Variants in HTR7 observed in about 807,000 individuals in gnomAD.
HTR7 encodes 5-hydroxytryptamine receptor 7, also known as 5-HT-7.
HTR7 carries 16 observed loss-of-function variants against 34.0 expected under a neutral mutation model. The ratio of observed to expected loss-of-function variants is 0.47; its 90% CI spans 0.32 to 0.71. HTR7 has a LOEUF of 0.71. Among genes scored for constraint, HTR7 ranks in the 30% least tolerant of loss-of-function variants. The pLI, the probability that HTR7 is intolerant of heterozygous loss-of-function variation, is 0.04. For synonymous variants in HTR7, 265 were observed against 260.2 expected (o/e 1.02, Z -0.18); for missense variants, 504 against 625.5 (o/e 0.81, Z 2.07).
intron 1 of HTR7, among the ~76,000 whole-genome samples, chr10:90,843,373 A>G (rs1030954422): frequency 1.3e-5 from 2 of 152,224 alleles, no homozygotes; most frequent in Admixed American, 1.3e-4. Flanking sequence ...CAAACCATTA[A>G]TTACAAATTG....
At chr10:90,786,090 C>T (rs560570688) in intron 1 of HTR7, among the ~76,000 whole-genome samples, 6 of 152,188 alleles carry the variant, frequency 3.9e-5, no homozygotes, top group Non-Finnish European at 8.8e-5. Flanking sequence ...GCACATATGT[C>T]GGGTTTATCT....
intron 1 of HTR7, among the ~76,000 whole-genome samples, chr10:90,797,057 C>T (rs1845551815): frequency 6.6e-6 from 1 of 151,552 alleles, no homozygotes; most frequent in Non-Finnish European, 1.5e-5. Flanking sequence ...CCTGATGATT[C>T]AGTGCCATAA....
In HTR7 at chr10:90,742,539, G is replaced by A. The variant is rs770678007; in HGVS notation, c.1394-11C>T. On this transcript the variant is annotated splice_polypyrimidine_tract_variant and intron_variant, in intron 3 of 3. Coordinates refer to ENST00000336152, the MANE Select transcript of HTR7 (RefSeq NM_019859.4). ...TAGTCAGCATTTTGTCTAAAAAAAA[G>A]AGAGAGAAAAATAGAAAATAATTTA... 3.9e-6 allele frequency: 6 copies of A among 1,553,480 alleles called. No homozygotes were observed. Among genetic ancestry groups the A allele is most frequent in the South Asian group, 1.1e-5 (1 of 88,712 alleles).
At chr10:90,796,438 T>G (rs1845539121) in intron 1 of HTR7, among the ~76,000 whole-genome samples, 1 of 152,202 alleles carries the variant, frequency 6.6e-6, no homozygotes, top group Non-Finnish European at 1.5e-5. Context: ...TTTCCTGAAT[T>G]CTGAAACAGC....
At chr10:90,756,388 A>G (rs1256410524) in intron 1 of HTR7, among the ~76,000 whole-genome samples, 1 of 152,214 alleles carries the variant, frequency 6.6e-6, no homozygotes, top group African/African-American at 2.4e-5. Context: ...ATTTTTAACA[A>G]TACACTGAAC....
intron 1 of HTR7, among the ~76,000 whole-genome samples, chr10:90,781,755 A>G (rs1845308262): frequency 6.6e-6 from 1 of 152,222 alleles, no homozygotes; most frequent in Admixed American, 6.5e-5. Context: ...CATGCTTCAG[A>G]TTTTCTACAT....
intron 1 of HTR7, among the ~76,000 whole-genome samples, chr10:90,829,014 C>A (rs753015956): frequency 6.6e-6 from 1 of 151,900 alleles, no homozygotes; most frequent in Non-Finnish European, 1.5e-5. Flanking sequence ...ATCTTGCAAA[C>A]CAAATTCAAC....
chr10:90,807,075 T>C (rs1262749713), intron 1 of HTR7, among the ~76,000 whole-genome samples: 1 of 152,132 alleles, frequency 6.6e-6, no homozygotes, highest in East Asian at 1.9e-4. Context: ...CTAAAACGGA[T>C]TGTAACAGTG....
intron 1 of HTR7, among the ~76,000 whole-genome samples, chr10:90,774,051 C>T (rs778548054): frequency 2.6e-5 from 4 of 151,852 alleles, no homozygotes; most frequent in Admixed American, 6.6e-5. Flanking sequence ...TTTCCATTAG[C>T]GATGATATAA....
rs751721447 is a variant in HTR7 at position 90,743,573 on chromosome 10, T to A, written c.1393+20A>T. 13 of 1,584,718 alleles carry A rather than the reference T, an allele frequency of 8.2e-6. No individual in the cohort carries two copies. The highest frequency in any genetic ancestry group is 1.1e-5 in the Non-Finnish European group (13 of 1,153,462). Reference sequence around the variant, plus strand: ...AGACCACAGCACTATCTCCAAAGTCTCCCTTTCCTTGCTACCCACCTGCTA... The same window carrying A: ...AGACCACAGCACTATCTCCAAAGTCACCCTTTCCTTGCTACCCACCTGCTA... On this transcript the variant is annotated intron_variant, in intron 3 of 3. Transcript: ENST00000336152.
At chr10:90,855,524 TC>T (rs1846566220) in intron 1 of HTR7, among the ~76,000 whole-genome samples, 2 of 152,260 alleles carry the variant, frequency 1.3e-5, no homozygotes, top group Admixed American at 1.3e-4. Flanking sequence ...TACACTAAGT[TC>T]CATTTAAAAG....
intron 1 of HTR7, among the ~76,000 whole-genome samples, chr10:90,754,401 A>G (rs899328255): frequency 6.6e-6 from 1 of 152,120 alleles, no homozygotes; most frequent in African/African-American, 2.4e-5. Context: ...AAAGAAAAAA[A>G]GAAAAAAAAA....
intron 1 of HTR7, among the ~76,000 whole-genome samples, chr10:90,823,209 C>T (rs999764598): frequency 1.3e-5 from 2 of 152,216 alleles, no homozygotes; most frequent in African/African-American, 2.4e-5. Context: ...CCTGGAAAAG[C>T]TGCAGGCTCT....
At chr10:90,856,647 G>GT (rs1257074287) in intron 1 of HTR7, among the ~76,000 whole-genome samples, 3 of 152,226 alleles carry the variant, frequency 2.0e-5, no homozygotes, top group African/African-American at 4.8e-5. Context: ...GATGCAATGT[G>GT]TAAGACATAC....
rs1047433329 is a variant in HTR7, at chr10:90,749,849, T to C, written c.540-255A>G. Among the ~76,000 whole-genome samples the C allele has an allele frequency of 1.3e-5, 2 of 152,200 alleles. No individual in the cohort carries two copies. Among genetic ancestry groups the C allele is most frequent in the Non-Finnish European group, 2.9e-5 (2 of 68,038 alleles). On this transcript the variant is annotated intron_variant, in intron 1 of 3. Coordinates refer to ENST00000336152, the MANE Select transcript of HTR7 (RefSeq NM_019859.4). The surrounding 1 kb of genome is among the most constrained non-coding windows in gnomAD (Gnocchi z 4.2). Reference sequence around the variant, plus strand: ...AGTCAGTCCATGCTTTGTGCATGCCTTATAGTTTTTCACAATCCACGAAGT... The same window carrying C: ...AGTCAGTCCATGCTTTGTGCATGCCCTATAGTTTTTCACAATCCACGAAGT...
At chr10:90,780,606 A>G (rs76661537) in intron 1 of HTR7, among the ~76,000 whole-genome samples, 2,550 of 152,146 alleles carry the variant, frequency 0.017, 82 homozygotes, top group African/African-American at 0.057. Context: ...TCGTAAATAA[A>G]TGATAAATGA....
intron 1 of HTR7, among the ~76,000 whole-genome samples, chr10:90,789,748 T>C (rs889475677): frequency 6.6e-6 from 1 of 152,160 alleles, no homozygotes; most frequent in African/African-American, 2.4e-5. Context: ...ATACTGTCTG[T>C]GGTGGCTAAA....
At chr10:90,781,847 T>C (rs902782576) in intron 1 of HTR7, among the ~76,000 whole-genome samples, 1 of 152,230 alleles carries the variant, frequency 6.6e-6, no homozygotes, top group African/African-American at 2.4e-5. Flanking sequence ...TAACCCTGCC[T>C]GTGGCCATAG....
chr10:90,845,387 T>C (rs1009487331), intron 1 of HTR7, among the ~76,000 whole-genome samples: 23 of 152,196 alleles, frequency 1.5e-4, no homozygotes, highest in African/African-American at 5.5e-4. Context: ...AATGACGTAG[T>C]GAAATACGTA....
Sources: gnomAD v4.1 joint callset for allele counts (sites outside exome capture counted in the v4.1 genomes callset) on GRCh38, gnomAD v4.1.1 for gene constraint, Gnocchi (gnomAD v3.1) non-coding constraint, MANE v1.5 for transcripts, NCBI Gene and HGNC (gene_info 2026-07-23, HGNC 2026-07-21) for gene names.